FXR1: variants seen among roughly 807,000 people sequenced by gnomAD.
FXR1 encodes the protein FMR1 autosomal homolog 1.
In FXR1, 15 loss-of-function variants were observed where a neutral mutation model predicts 84.0. The observed-to-expected ratio is 0.18, with a 90% CI of 0.12 to 0.27. FXR1 has a LOEUF of 0.27. Ranked by LOEUF, FXR1 falls within the 10% of genes least tolerant of loss-of-function variation. The pLI, the probability that FXR1 is intolerant of heterozygous loss-of-function variation, is 1.00. For synonymous variants in FXR1, 245 were observed against 250.7 expected, an observed-to-expected ratio of 0.98 and a Z score of 0.21; for missense variants, 480 against 774.4, an observed-to-expected ratio of 0.62 and a Z score of 4.51.
intron 15 of FXR1, 59 bp downstream of exon 15, chr3:180,970,417 TATA>T (rs1339957229): frequency 8.4e-4 from 233 of 278,696 alleles, no homozygotes; most frequent in Non-Finnish European, 1.4e-3. Context: ...TATATATATA[TATA>T]TAATTGTAAA....
At chr3:180,960,624 C>G (rs1711975052) in intron 10 of FXR1, among the ~76,000 whole-genome samples, 1 of 151,954 alleles carries the variant, frequency 6.6e-6, no homozygotes, top group Non-Finnish European at 1.5e-5. Context: ...TGCTACCCTG[C>G]CAGCTAATTT....
chr3:180,964,399 G>A (rs1712527290), intron 13 of FXR1, among the ~76,000 whole-genome samples: 1 of 151,998 alleles, frequency 6.6e-6, no homozygotes, highest in Non-Finnish European at 1.5e-5. Flanking sequence ...AGCTTTTGTG[G>A]GAAGTCGGCT....
At chr3:180,959,372 T>G (rs1017129318) in intron 10 of FXR1, among the ~76,000 whole-genome samples, 7 of 152,062 alleles carry the variant, frequency 4.6e-5, no homozygotes, top group African/African-American at 2.4e-5. Flanking sequence ...CCTGAGATTT[T>G]GATTATCCTT....
chr3:180,980,695 T>C lies in FXR1; in HGVS notation c.*4403T>C, dbSNP rs1714568147. The stretch of plus-strand genomic sequence containing the variant: ...AACCATAACAGATTATCCCATATCA[T>C]TGGACTGTTCTATTATTGGGTCAGG... On this transcript the variant is annotated 3_prime_UTR_variant, in exon 17 of 17. Coordinates refer to ENST00000357559, the MANE Select transcript of FXR1 (RefSeq NM_005087.4). 6.6e-6 allele frequency: 1 copy of C among 152,006 alleles called. No homozygotes were observed. Among genetic ancestry groups the C allele is most frequent in the Admixed American group, 6.6e-5 (1 of 15,252 alleles). 9.4% of individuals were successfully genotyped at this position (152,006 alleles called of 1,614,324 possible).
chr3:180,945,748 C>T (rs1455461319), intron 3 of FXR1, among the ~76,000 whole-genome samples: 3 of 152,236 alleles, frequency 2.0e-5, no homozygotes, highest in African/African-American at 7.2e-5. Flanking sequence ...TGTCATATAC[C>T]CTTTTAGCAA....
intron 3 of FXR1, among the ~76,000 whole-genome samples, chr3:180,937,998 A>G (rs1467515591): frequency 1.3e-5 from 2 of 152,168 alleles, no homozygotes; most frequent in East Asian, 3.8e-4. Context: ...GGATTAAGTT[A>G]TATATTTGTG....
At chr3:180,922,256 G>GCTT (rs1268168701) in intron 1 of FXR1, among the ~76,000 whole-genome samples, 10 of 152,172 alleles carry the variant, frequency 6.6e-5, no homozygotes, top group Admixed American at 5.2e-4. Context: ...TTCCAAAAAG[G>GCTT]CTTCTGATGC....
Position 180,979,683 on chromosome 3 carries a change from A to G in FXR1, c.*3391A>G, listed in dbSNP as rs1404398215. On this transcript the variant is annotated 3_prime_UTR_variant, in exon 17 of 17. Transcript: ENST00000357559. ...CTTTTGCAATAAAGCAGTAACTGCAATCTGCTAAAGTCAGACTGTTAGCAA... is the reference window on the plus strand; with the variant it reads ...CTTTTGCAATAAAGCAGTAACTGCAGTCTGCTAAAGTCAGACTGTTAGCAA... 2 of 152,088 alleles carry G rather than the reference A, an allele frequency of 1.3e-5. No individual in the cohort carries two copies. The highest frequency in any genetic ancestry group is 1.9e-4 in the East Asian group (1 of 5,192). 9.4% of individuals were successfully genotyped at this position (152,088 alleles called of 1,614,324 possible). A position where few individuals can be genotyped will look rare whatever the true frequency, so the allele number is the denominator to read the frequency against.
rs1428136010 is a variant in FXR1 at position 180,976,394 on chromosome 3, C to T, written c.*102C>T. On this transcript the variant is annotated 3_prime_UTR_variant, in exon 17 of 17. Transcript: ENST00000357559. ...ATATGGATCGCCAGTCTTTACATCG[C>T]ACTTTCAGTTCCTCCATTTGGAATT... The T allele has an allele frequency of 2.8e-6, 2 of 724,548 alleles. No individual in the cohort carries two copies. Among genetic ancestry groups the T allele is most frequent in the Non-Finnish European group, 4.5e-6 (2 of 445,206 alleles). 44.9% of individuals were successfully genotyped at this position (724,548 alleles called of 1,614,324 possible). A position where few individuals can be genotyped will look rare whatever the true frequency, so the allele number is the denominator to read the frequency against.
At chr3:180,975,658 A>C (rs1305722596) in intron 16 of FXR1, among the ~76,000 whole-genome samples, 1 of 152,198 alleles carries the variant, frequency 6.6e-6, no homozygotes, top group Admixed American at 6.5e-5. Context: ...GGGCATAGAG[A>C]CTATTGCCTA....
At position 180,979,558 on chromosome 3, in the gene FXR1, T is replaced by G. The variant is rs1415858116; in HGVS notation, c.*3266T>G. The stretch of plus-strand genomic sequence containing the variant: ...TGAATTTGCTAGCCCCTTATTTTTT[T>G]TTTTAATTTTAGTTCTTTATTAGAA... On this transcript the variant is annotated 3_prime_UTR_variant, in exon 17 of 17. Transcript: ENST00000357559. The G allele has an allele frequency of 1.3e-5, 2 of 152,120 alleles. No individual in the cohort carries two copies. Among genetic ancestry groups the G allele is most frequent in the Non-Finnish European group, 2.9e-5 (2 of 67,968 alleles). The allele number at this position is 152,120 out of a possible 1,614,324, so 9.4% of individuals were successfully genotyped here.
intron 3 of FXR1, among the ~76,000 whole-genome samples, chr3:180,943,264 G>GC (rs1721327194): frequency 8.9e-6 from 1 of 112,460 alleles, no homozygotes; most frequent in Admixed American, 1.1e-4. Context: ...ACTGTGCCCG[G>GC]CTTTTTTTTT....
chr3:180,973,955 A>G (rs969534594), intron 15 of FXR1, among the ~76,000 whole-genome samples: 1 of 152,204 alleles, frequency 6.6e-6, no homozygotes, highest in Non-Finnish European at 1.5e-5. Context: ...AATTCTCCCC[A>G]TACCTAGTGA....
chr3:180,931,859 GC>G (rs1322201395), intron 1 of FXR1, among the ~76,000 whole-genome samples: 1 of 148,744 alleles, frequency 6.7e-6, no homozygotes, highest in Admixed American at 6.8e-5. Flanking sequence ...TCCCGCCTCA[GC>G]CTTCCAAGTA....
chr3:180,932,506 A>G (rs1720056321), intron 1 of FXR1, among the ~76,000 whole-genome samples: 1 of 152,210 alleles, frequency 6.6e-6, no homozygotes, highest in African/African-American at 2.4e-5. Flanking sequence ...TCTACACCCA[A>G]GTCCTTTGCT....
At chr3:180,957,733 C>T in intron 9 of FXR1, 86 bp from the exon 10 acceptor site, 1 of 625,710 alleles carries the variant, frequency 1.6e-6, no homozygotes, top group Non-Finnish European at 2.9e-6. Context: ...AATTTAGTAG[C>T]AAGTTACAAA....
intron 1 of FXR1, among the ~76,000 whole-genome samples, chr3:180,932,735 A>G (rs1720082611): frequency 6.6e-6 from 1 of 152,196 alleles, no homozygotes; most frequent in Non-Finnish European, 1.5e-5. Context: ...AGGAAAAATA[A>G]GATTAAGTTA....
In FXR1 at chr3:180,977,047, G is replaced by A. The variant is rs1714305639; in HGVS notation, c.*755G>A. On this transcript the variant is annotated 3_prime_UTR_variant, in exon 17 of 17. Transcript: ENST00000357559. ...TTTATTCTGTATAAACTACATGTTA[G>A]TCTTCAGTAGAGTATCTTTTTTTTT... 1 of 150,684 alleles carries A rather than the reference G, an allele frequency of 6.6e-6. No homozygotes were observed. Among genetic ancestry groups the A allele is most frequent in the African/African-American group, 2.4e-5 (1 of 40,906 alleles). The allele number at this position is 150,684 out of a possible 1,614,324, so 9.3% of individuals were successfully genotyped here.
At chr3:180,946,925 G>C (rs904745269) in intron 3 of FXR1, among the ~76,000 whole-genome samples, 1 of 152,076 alleles carries the variant, frequency 6.6e-6, no homozygotes, top group Non-Finnish European at 1.5e-5. Context: ...AATATAATAC[G>C]TTAAAGAAGC....
Sources: gnomAD v4.1 joint callset for allele counts (sites outside exome capture counted in the v4.1 genomes callset) on GRCh38, gnomAD v4.1.1 for gene constraint, MANE v1.5 for transcripts, NCBI Gene and HGNC (gene_info 2026-07-23, HGNC 2026-07-21) for gene names.